Variants in RALGPS2 observed in about 807,000 individuals in gnomAD.
RALGPS2 encodes the protein Ral GEF with PH domain and SH3 binding motif 2.
A neutral mutation model predicts 86.8 loss-of-function variants in RALGPS2; 43 were observed. The ratio of observed to expected loss-of-function variants is 0.50; its 90% CI spans 0.39 to 0.64. The LOEUF (loss-of-function observed/expected upper bound fraction) is 0.64, where lower values mean the gene tolerates loss of function less well. Among genes scored for constraint, RALGPS2 ranks in the 30% least tolerant of loss-of-function variants. The probability of loss-of-function intolerance (pLI) is 0.00; values close to 1 mark genes in which losing one functional copy is unlikely to be tolerated. For synonymous variants in RALGPS2, 243 were observed against 231.3 expected (o/e 1.05, Z -0.46); for missense variants, 536 against 694.6 (o/e 0.77, Z 2.57).
intron 7 of RALGPS2, among the ~76,000 whole-genome samples, chr1:178,826,685 A>G (rs1367489448): frequency 6.6e-6 from 1 of 152,204 alleles, no homozygotes; most frequent in African/African-American, 2.4e-5. Context: ...TATGTTACGT[A>G]TATATTTTAC....
rs182441843 is a variant in RALGPS2 at position 178,780,262 on chromosome 1, C to T, written c.57+3441C>T. On this transcript the variant is annotated intron_variant, in intron 2 of 19. Transcript: ENST00000367635. ...AGAGATAGAGATCTTTAGCAGCTAT[C>T]TTAGAGCCTGTCCACTGTGCTTTAT... 3.0e-3 allele frequency among the ~76,000 whole-genome samples: 458 copies of T among 152,248 alleles called. 4 individuals are homozygous for T. Among genetic ancestry groups the T allele is most frequent in the African/African-American group, 0.01 (425 of 41,540 alleles).
chr1:178,916,108 T>C (rs534579096), intron 19 of RALGPS2, among the ~76,000 whole-genome samples: 3 of 152,332 alleles, frequency 2.0e-5, no homozygotes, highest in South Asian at 2.1e-4. Flanking sequence ...CCTGTATAGA[T>C]GTCATTTTAC....
At chr1:178,899,173 G>A (rs1367401510) in intron 17 of RALGPS2, among the ~76,000 whole-genome samples, 1 of 151,882 alleles carries the variant, frequency 6.6e-6, no homozygotes, top group Non-Finnish European at 1.5e-5. Context: ...TAATGGATAT[G>A]TTAAATATTG....
chr1:178,763,539 T>A (rs1278426448), intron 1 of RALGPS2, among the ~76,000 whole-genome samples: 1 of 152,206 alleles, frequency 6.6e-6, no homozygotes, highest in African/African-American at 2.4e-5. Context: ...TGTTTTATAA[T>A]CTTCATTGTA....
intron 4 of RALGPS2, among the ~76,000 whole-genome samples, chr1:178,792,937 G>A (rs977272081): frequency 9.9e-5 from 15 of 152,142 alleles, no homozygotes; most frequent in Middle Eastern, 6.8e-3. Flanking sequence ...CTCACTTTCC[G>A]TCTTTTCTTT....
chr1:178,836,941 G>A (rs1656303827), intron 8 of RALGPS2, among the ~76,000 whole-genome samples: 1 of 152,038 alleles, frequency 6.6e-6, no homozygotes, highest in Non-Finnish European at 1.5e-5. Flanking sequence ...ACCAAGCACA[G>A]CTAATTTTAA....
At chr1:178,881,611 C>T (rs541930535) in intron 10 of RALGPS2, among the ~76,000 whole-genome samples, 3 of 152,078 alleles carry the variant, frequency 2.0e-5, no homozygotes, top group African/African-American at 2.4e-5. Flanking sequence ...CCATCATGCC[C>T]GGCTAATTTT....
chr1:178,743,949 C>G (rs906273545), intron 1 of RALGPS2, among the ~76,000 whole-genome samples: 1 of 152,048 alleles, frequency 6.6e-6, no homozygotes, highest in African/African-American at 2.4e-5. Context: ...GAATTAAGAC[C>G]AGTTCTATAC....
chr1:178,834,324 C>A (rs1362787461), intron 8 of RALGPS2, among the ~76,000 whole-genome samples: 6 of 152,082 alleles, frequency 3.9e-5, no homozygotes, highest in Non-Finnish European at 8.8e-5. Flanking sequence ...CCTCCCCACC[C>A]CCCAGATTTT....
chr1:178,823,323 A>G (rs936742199), intron 7 of RALGPS2, among the ~76,000 whole-genome samples: 2 of 152,190 alleles, frequency 1.3e-5, no homozygotes, highest in Non-Finnish European at 2.9e-5. Context: ...TGTGCTATGC[A>G]CTCTGTAATT....
chr1:178,886,634 G>A (rs560094041), intron 13 of RALGPS2, among the ~76,000 whole-genome samples: 86 of 152,266 alleles, frequency 5.6e-4, no homozygotes, highest in Non-Finnish European at 1.0e-3. Flanking sequence ...AGATATACGA[G>A]AGGTAGCATA....
In RALGPS2 at chr1:178,911,416, G is replaced by A. The variant is rs906133388; in HGVS notation, c.1722+4549G>A. Among the ~76,000 whole-genome samples, 8 of 151,786 alleles carry A rather than the reference G, an allele frequency of 5.3e-5. No homozygotes were observed. The East Asian group carries it at 1.5e-3, about 29-fold the overall frequency. ...ATTGAGTCTGATATGTTGTGTCTCTGTTTTCCTTAGTTTTAAATCATTTTT... is the reference window on the plus strand; with the variant it reads ...ATTGAGTCTGATATGTTGTGTCTCTATTTTCCTTAGTTTTAAATCATTTTT... On this transcript the variant is annotated intron_variant, in intron 19 of 19. Transcript: ENST00000367635.
At chr1:178,886,237 T>A (rs1659476696) in intron 13 of RALGPS2, 117 bp downstream of exon 13, 2 of 1,053,000 alleles carry the variant, frequency 1.9e-6, no homozygotes, top group Non-Finnish European at 2.8e-6. Flanking sequence ...AAAAACAAAG[T>A]AGCAGTTAAA....
intron 8 of RALGPS2, among the ~76,000 whole-genome samples, chr1:178,860,645 A>G (rs971152657): frequency 6.6e-6 from 1 of 152,196 alleles, no homozygotes; most frequent in Admixed American, 6.5e-5. Context: ...CTTTCTGTCT[A>G]TGAATTTGAC....
chr1:178,813,958 A>G (rs562985593), intron 6 of RALGPS2, among the ~76,000 whole-genome samples: 2 of 152,336 alleles, frequency 1.3e-5, no homozygotes, highest in South Asian at 2.1e-4. Context: ...ACCATCACAT[A>G]GATACAAAAG....
chr1:178,883,718 G>C (rs1195835315), intron 11 of RALGPS2, among the ~76,000 whole-genome samples, 185 bp downstream of exon 11: 2 of 152,118 alleles, frequency 1.3e-5, no homozygotes, highest in Non-Finnish European at 2.9e-5. Flanking sequence ...GGGCAGGGTG[G>C]CTCACGCCTG....
At chr1:178,754,377 A>G (rs570382515) in intron 1 of RALGPS2, among the ~76,000 whole-genome samples, 100 of 152,266 alleles carry the variant, frequency 6.6e-4, no homozygotes, top group African/African-American at 2.4e-3. Flanking sequence ...AACAGTTAAT[A>G]TGTAATTCCT....
chr1:178,883,364 TA>T, intron 10 of RALGPS2, 101 bp from the exon 11 acceptor site: 1 of 902,344 alleles, frequency 1.1e-6, no homozygotes, highest in Non-Finnish European at 1.8e-6. Flanking sequence ...GATTATTTCA[TA>T]AAAATGTTTT....
At chr1:178,761,346 G>C (rs1012047806) in intron 1 of RALGPS2, among the ~76,000 whole-genome samples, 1 of 151,062 alleles carries the variant, frequency 6.6e-6, no homozygotes, top group East Asian at 2.0e-4. Context: ...GGAGAATGGC[G>C]TGAACCCAGG....
Sources: gnomAD v4.1 joint callset for allele counts (sites outside exome capture counted in the v4.1 genomes callset) on GRCh38, gnomAD v4.1.1 for gene constraint, MANE v1.5 for transcripts, NCBI Gene and HGNC (gene_info 2026-07-23, HGNC 2026-07-21) for gene names.